Variants in SPOCK3 observed in about 807,000 individuals in gnomAD.
SPOCK3 encodes the protein SPARC (osteonectin), cwcv and kazal like domains proteoglycan 3.
Under a neutral mutation model 56.6 loss-of-function variants are expected in SPOCK3, and 30 were observed. The observed-to-expected ratio is 0.53, with a 90% CI of 0.40 to 0.72. The LOEUF (loss-of-function observed/expected upper bound fraction) is 0.72. Ranked by LOEUF, SPOCK3 falls within the 30% of genes least tolerant of loss-of-function variation. The pLI is 0.00. For synonymous variants in SPOCK3, 196 were observed against 183.3 expected (o/e 1.07, Z -0.56); for missense variants, 527 against 530.0 (o/e 0.99, Z 0.06).
chr4:166,938,621 A>AAT (rs1740719140), intron 4 of SPOCK3, among the ~76,000 whole-genome samples: 1 of 152,050 alleles, frequency 6.6e-6, no homozygotes, highest in African/African-American at 2.4e-5. Flanking sequence ...GGGGGAGAAA[A>AAT]GAATAAAAAT....
intron 4 of SPOCK3, among the ~76,000 whole-genome samples, chr4:166,979,418 A>G (rs943784001): frequency 4.6e-5 from 7 of 152,180 alleles, no homozygotes; most frequent in Admixed American, 3.9e-4. Flanking sequence ...TTTTAATGAG[A>G]CATTTCCATT....
At chr4:166,925,624 T>C (rs1739006215) in intron 4 of SPOCK3, among the ~76,000 whole-genome samples, 1 of 152,140 alleles carries the variant, frequency 6.6e-6, no homozygotes, top group African/African-American at 2.4e-5. Context: ...AGAAAATGAT[T>C]TCTAGCCTTC....
intron 2 of SPOCK3, among the ~76,000 whole-genome samples, chr4:167,145,532 A>T (rs1256488653): frequency 6.6e-6 from 1 of 151,992 alleles, no homozygotes; most frequent in Non-Finnish European, 1.5e-5. Flanking sequence ...ATGAAAAGGA[A>T]CCAAGAAAAA....
chr4:166,752,822 G>T (rs115476609), intron 8 of SPOCK3, among the ~76,000 whole-genome samples: 4,057 of 151,990 alleles, frequency 0.027, 107 homozygotes, highest in Non-Finnish European at 0.033. Context: ...AGCAATTAAA[G>T]TAATGAAATG....
chr4:167,061,650 G>A (rs1755620099), intron 3 of SPOCK3, among the ~76,000 whole-genome samples: 1 of 151,804 alleles, frequency 6.6e-6, no homozygotes, highest in Non-Finnish European at 1.5e-5. Flanking sequence ...AACATATTGT[G>A]TCTTCATCAT....
Position 166,902,399 on chromosome 4 carries a change from C to T in SPOCK3, c.474+10221G>A, listed in dbSNP as rs574597021. Among the ~76,000 whole-genome samples, 156 of 152,070 alleles carry T rather than the reference C, an allele frequency of 1.0e-3. 2 individuals carry two copies. In the South Asian group the frequency reaches 0.021, roughly 21 times the overall value. ...ACTTGTGGAATCATGTATTTCATCACTTCTGGAAAGTTCTCAACTAAAATT... is the reference window on the plus strand; with the variant it reads ...ACTTGTGGAATCATGTATTTCATCATTTCTGGAAAGTTCTCAACTAAAATT... On this transcript the variant is annotated intron_variant, in intron 5 of 10. Coordinates refer to ENST00000357545, the MANE Select transcript of SPOCK3 (RefSeq NM_001040159.2).
At chr4:166,970,584 C>A (rs6553451) in intron 4 of SPOCK3, among the ~76,000 whole-genome samples, 1 of 151,390 alleles carries the variant, frequency 6.6e-6, no homozygotes, top group Non-Finnish European at 1.5e-5. Context: ...ATTAGCCAGG[C>A]GAGGTAGGTG....
At chr4:166,737,015 A>G (rs967798008) in intron 10 of SPOCK3, among the ~76,000 whole-genome samples, 1 of 152,146 alleles carries the variant, frequency 6.6e-6, no homozygotes, top group Non-Finnish European at 1.5e-5. Flanking sequence ...GCTGTAATTT[A>G]TGGACTTTTA....
intron 4 of SPOCK3, among the ~76,000 whole-genome samples, chr4:166,965,519 C>G (rs1317587960): frequency 6.6e-6 from 1 of 151,452 alleles, no homozygotes; most frequent in Non-Finnish European, 1.5e-5. Flanking sequence ...TATCATCAAG[C>G]CTTCACTGTT....
intron 4 of SPOCK3, among the ~76,000 whole-genome samples, chr4:166,965,593 C>G (rs1301517287): frequency 6.6e-6 from 1 of 151,496 alleles, no homozygotes; most frequent in Non-Finnish European, 1.5e-5. Flanking sequence ...TAATTTTTCT[C>G]TGGACATTCA....
intron 6 of SPOCK3, among the ~76,000 whole-genome samples, chr4:166,848,145 A>G (rs557483798): frequency 6.6e-6 from 1 of 152,320 alleles, no homozygotes; most frequent in African/African-American, 2.4e-5. Flanking sequence ...TAGCTACCAT[A>G]ATAATTTCAG....
At chr4:166,776,681 A>G (rs1158198413) in intron 7 of SPOCK3, among the ~76,000 whole-genome samples, 4 of 152,206 alleles carry the variant, frequency 2.6e-5, no homozygotes. Context: ...ACTTAACAAC[A>G]CTCACTCAAG....
At chr4:167,082,754 GGA>G (rs1329999225) in intron 2 of SPOCK3, among the ~76,000 whole-genome samples, 1 of 138,328 alleles carries the variant, frequency 7.2e-6, no homozygotes, top group African/African-American at 2.7e-5. Flanking sequence ...AAGGAAGGAA[GGA>G]AGGGAGGGAG....
At chr4:167,083,318 A>T in intron 2 of SPOCK3, 1 of 764,488 alleles carries the variant, frequency 1.3e-6, no homozygotes, top group South Asian at 1.3e-5. Context: ...TCCTACTGAG[A>T]TGCCCCACAG....
rs188716324 is a variant in SPOCK3 at position 167,097,479 on chromosome 4, G to A, written c.190-34942C>T. On this transcript the variant is annotated intron_variant, in intron 2 of 10. Coordinates refer to ENST00000357545, the MANE Select transcript of SPOCK3 (RefSeq NM_001040159.2). ...TGTAATCTACTATTATTATTCTACT[G>A]GAGTCTTATGGGTGTCATGGTAAGA... 2.0e-4 allele frequency among the ~76,000 whole-genome samples: 30 copies of A among 151,628 alleles called. No homozygotes were observed. In the East Asian group the frequency reaches 5.1e-3, roughly 26 times the overall value.
chr4:166,874,306 ACAAT>A (rs760436610), intron 6 of SPOCK3, among the ~76,000 whole-genome samples: 1 of 152,146 alleles, frequency 6.6e-6, no homozygotes, highest in African/African-American at 2.4e-5. Flanking sequence ...CTTGTGAACA[ACAAT>A]CAGAGTCCTA....
chr4:167,198,841 G>A (rs1733222263), intron 2 of SPOCK3, among the ~76,000 whole-genome samples: 1 of 151,976 alleles, frequency 6.6e-6, no homozygotes, highest in Non-Finnish European at 1.5e-5. Flanking sequence ...GTAATAGATT[G>A]GAGCAAAAGT....
chr4:167,156,355 C>T (rs769743070), intron 2 of SPOCK3, among the ~76,000 whole-genome samples: 3 of 152,148 alleles, frequency 2.0e-5, no homozygotes, highest in Non-Finnish European at 4.4e-5. Context: ...GATGCAGTAA[C>T]TTAGAACGCT....
chr4:167,080,151 T>C (rs1024112184), intron 2 of SPOCK3, among the ~76,000 whole-genome samples: 5 of 152,028 alleles, frequency 3.3e-5, no homozygotes, highest in African/African-American at 9.7e-5. Context: ...ATTTTGGCCT[T>C]AGAACTCTAT....
Sources: gnomAD v4.1 joint callset for allele counts (sites outside exome capture counted in the v4.1 genomes callset) on GRCh38, gnomAD v4.1.1 for gene constraint, MANE v1.5 for transcripts, NCBI Gene and HGNC (gene_info 2026-07-23, HGNC 2026-07-21) for gene names.